Variants in CDCP1 observed in about 807,000 individuals in gnomAD.
The protein encoded by CDCP1 is CUB domain-containing protein 1.
CDCP1 carries 29 observed loss-of-function variants against 60.2 expected under a neutral mutation model. The observed-to-expected ratio is 0.48, with a 90% CI of 0.36 to 0.66. CDCP1 has a LOEUF of 0.66. CDCP1 is among the 30% of genes least tolerant of loss of function. The probability of loss-of-function intolerance (pLI) is 0.00; values close to 1 mark genes in which losing one functional copy is unlikely to be tolerated. For synonymous variants in CDCP1, 387 were observed against 431.1 expected (o/e 0.90, Z 1.27); for missense variants, 876 against 1,074.3 (o/e 0.82, Z 2.58).
At chr3:45,131,215 C>A (rs62242544) in intron 1 of CDCP1, among the ~76,000 whole-genome samples, 3 of 151,378 alleles carry the variant, frequency 2.0e-5, no homozygotes, top group African/African-American at 7.3e-5. Flanking sequence ...AAAAAAAACC[C>A]AACTCAATAA....
chr3:45,100,085 T>C (rs1290900044), intron 4 of CDCP1, among the ~76,000 whole-genome samples: 1 of 152,202 alleles, frequency 6.6e-6, no homozygotes, highest in Non-Finnish European at 1.5e-5. Flanking sequence ...TGACTGGGCT[T>C]CTCAGTAGGG....
rs1698132129 is a variant in CDCP1 at position 45,083,195 on chromosome 3, G to C, written c.*2443C>G. The C allele has an allele frequency of 6.6e-6, 1 of 152,232 alleles. No individual in the cohort carries two copies. The highest frequency in any genetic ancestry group is 2.4e-5 in the African/African-American group (1 of 41,456). 9.4% of individuals were successfully genotyped at this position (152,232 alleles called of 1,614,324 possible). On this transcript the variant is annotated 3_prime_UTR_variant, in exon 9 of 9. Transcript: ENST00000296129. The stretch of plus-strand genomic sequence containing the variant: ...ATTCAAATAAGGGCTCTTCAGTGAG[G>C]GAAGGAAGCCGCAGCCCTCCTTTGG...
At chr3:45,137,691 G>A (rs554887683) in intron 1 of CDCP1, among the ~76,000 whole-genome samples, 9 of 149,958 alleles carry the variant, frequency 6.0e-5, no homozygotes, top group East Asian at 3.9e-4. Context: ...ATGGTGGCAC[G>A]TGCCTGTAAT....
intron 2 of CDCP1, among the ~76,000 whole-genome samples, chr3:45,114,366 A>G (rs1294033355): frequency 6.6e-6 from 1 of 151,638 alleles, no homozygotes; most frequent in Non-Finnish European, 1.5e-5. Flanking sequence ...TTCTGAAGTG[A>G]TTCATAAACT....
chr3:45,139,724 G>C (rs77743040), intron 1 of CDCP1: 1,805 of 152,438 alleles, frequency 0.012, 18 homozygotes, highest in Middle Eastern at 0.024. Context: ...CTGACACAGT[G>C]TCCCTGGGCA....
chr3:45,138,281 T>C (rs1166380318), intron 1 of CDCP1, among the ~76,000 whole-genome samples: 1 of 152,224 alleles, frequency 6.6e-6, no homozygotes, highest in Non-Finnish European at 1.5e-5. Flanking sequence ...TAGGAATTTC[T>C]TCCACAGATA....
intron 2 of CDCP1, among the ~76,000 whole-genome samples, chr3:45,113,344 T>C (rs1698731132): frequency 6.6e-6 from 1 of 152,236 alleles, no homozygotes; most frequent in Admixed American, 6.5e-5. Flanking sequence ...TCCTTTGATA[T>C]ATTTGTTTCC....
intron 1 of CDCP1, among the ~76,000 whole-genome samples, chr3:45,120,229 T>C (rs1434271549): frequency 6.6e-6 from 1 of 152,060 alleles, no homozygotes; most frequent in Non-Finnish European, 1.5e-5. Context: ...AGCAGCTGTA[T>C]GTGATCACAC....
chr3:45,129,382 G>A (rs1699050677), intron 1 of CDCP1, among the ~76,000 whole-genome samples: 1 of 152,210 alleles, frequency 6.6e-6, no homozygotes, highest in African/African-American at 2.4e-5. Flanking sequence ...GAGGACCACA[G>A]AGGTAAGAAA....
chr3:45,119,788 T>A (rs1442817481), intron 1 of CDCP1, among the ~76,000 whole-genome samples: 2 of 152,240 alleles, frequency 1.3e-5, no homozygotes, highest in African/African-American at 4.8e-5. Flanking sequence ...TATACACTCA[T>A]GTGACCACCA....
chr3:45,140,039 A>T lies in CDCP1; in HGVS notation c.82+6167T>A, dbSNP rs569389612. Among the ~76,000 whole-genome samples, 9 of 152,372 alleles carry T rather than the reference A, an allele frequency of 5.9e-5. No individual in the cohort carries two copies. In the South Asian group the frequency reaches 1.7e-3, roughly 28 times the overall value. On this transcript the variant is annotated intron_variant, in intron 1 of 8. Coordinates refer to ENST00000296129, the MANE Select transcript of CDCP1 (RefSeq NM_022842.5). ...GGCCAGATGTTCCCGCCTCCAGATC[A>T]GTAACAGAAGGCATCTCTTTGGATG... is the stretch of plus-strand genomic sequence containing the variant.
intron 4 of CDCP1, among the ~76,000 whole-genome samples, chr3:45,104,239 C>G (rs1461678635): frequency 6.6e-6 from 1 of 152,200 alleles, no homozygotes; most frequent in Non-Finnish European, 1.5e-5. Flanking sequence ...ACAGACTGCC[C>G]GTTATGAGGA....
At chr3:45,093,234 G>T (rs1421714292) in intron 6 of CDCP1, 43 bp downstream of exon 6, 2 of 1,567,360 alleles carry the variant, frequency 1.3e-6, no homozygotes, top group East Asian at 2.3e-5. Context: ...TCAAATAAAC[G>T]CTTAAACTAA....
Position 45,101,794 on chromosome 3 carries a change from G to A in CDCP1, c.1025-6226C>T, listed in dbSNP as rs972640370. Among the ~76,000 whole-genome samples the A allele has an allele frequency of 2.0e-5, 3 of 150,816 alleles. No individual in the cohort carries two copies. The East Asian group carries it at 6.0e-4, about 30-fold the overall frequency. On this transcript the variant is annotated intron_variant, in intron 4 of 8. Transcript: ENST00000296129. ...CTAGCTACTCGGGAGGCTGAGGCAG[G>A]AGAATCACTTGAATCTGGAAGGCAG... is the stretch of plus-strand genomic sequence containing the variant.
intron 1 of CDCP1, among the ~76,000 whole-genome samples, chr3:45,130,898 G>A (rs1018006138): frequency 2.6e-4 from 40 of 151,970 alleles, no homozygotes; most frequent in South Asian, 8.3e-4. Context: ...ACAGGGTCTC[G>A]TTTTGTTGCT....
chr3:45,094,294 C>T (rs914339266), intron 5 of CDCP1, among the ~76,000 whole-genome samples: 2 of 151,848 alleles, frequency 1.3e-5, no homozygotes, highest in Non-Finnish European at 2.9e-5. Context: ...GGTGCGATCT[C>T]GGCTCACTGC....
chr3:45,112,887 C>T (rs1698724395), intron 2 of CDCP1, among the ~76,000 whole-genome samples: 1 of 152,196 alleles, frequency 6.6e-6, no homozygotes, highest in Non-Finnish European at 1.5e-5. Context: ...AGCTACGTGC[C>T]CTGCTCTATC....
chr3:45,086,791 T>C (rs1698203182), intron 8 of CDCP1, among the ~76,000 whole-genome samples: 1 of 152,256 alleles, frequency 6.6e-6, no homozygotes, highest in African/African-American at 2.4e-5. Flanking sequence ...GCATTAGCGC[T>C]TGCTGCCACA....
intron 4 of CDCP1, among the ~76,000 whole-genome samples, chr3:45,098,876 C>A (rs1213197972): frequency 2.6e-5 from 4 of 152,078 alleles, no homozygotes; most frequent in Non-Finnish European, 5.9e-5. Context: ...ATGTACTTAT[C>A]AATAATTTGA....
Sources: allele counts gnomAD v4.1 joint callset (sites outside exome capture counted in the v4.1 genomes callset), GRCh38; gene constraint gnomAD v4.1.1; transcripts MANE v1.5; gene names NCBI Gene and HGNC (gene_info 2026-07-23, HGNC 2026-07-21).